Variants in AGMO observed in about 807,000 individuals in gnomAD.
AGMO encodes alkylglycerol monooxygenase.
AGMO carries 75 observed loss-of-function variants against 60.2 expected under a neutral mutation model. The ratio of observed to expected loss-of-function variants is 1.25; its 90% CI spans 1.03 to 1.51. AGMO has a LOEUF of 1.51. AGMO is among the 40% of genes most tolerant of loss of function. AGMO has a pLI of 0.00. For missense variants in AGMO, 763 were observed against 525.5 expected, an observed-to-expected ratio of 1.45 and a Z score of -4.42; for synonymous variants, 261 against 177.1, an observed-to-expected ratio of 1.47 and a Z score of -3.76.
intron 3 of AGMO, among the ~76,000 whole-genome samples, chr7:15,507,286 A>G (rs1783539149): frequency 6.6e-6 from 1 of 152,082 alleles, no homozygotes; most frequent in South Asian, 2.1e-4. Flanking sequence ...GATGGGTAGC[A>G]TGAATATCAA....
intron 5 of AGMO, among the ~76,000 whole-genome samples, chr7:15,397,399 C>A (rs1478042612): frequency 1.3e-5 from 2 of 151,998 alleles, no homozygotes; most frequent in Non-Finnish European, 2.9e-5. Context: ...CCACACCTCC[C>A]CGCAAGCAGA....
At chr7:15,519,563 A>G (rs984076045) in intron 3 of AGMO, among the ~76,000 whole-genome samples, 2 of 152,204 alleles carry the variant, frequency 1.3e-5, no homozygotes, top group African/African-American at 4.8e-5. Context: ...ACTAAGCTTC[A>G]TAAGTGAAGA....
At chr7:15,288,187 C>T (rs555832288) in intron 12 of AGMO, among the ~76,000 whole-genome samples, 7 of 152,072 alleles carry the variant, frequency 4.6e-5, no homozygotes, top group Admixed American at 4.6e-4. Flanking sequence ...CCACGCCCGG[C>T]TAATTTTTTT....
chr7:15,343,864 G>GT (rs1477513190), intron 12 of AGMO, among the ~76,000 whole-genome samples: 2 of 152,122 alleles, frequency 1.3e-5, no homozygotes, highest in Non-Finnish European at 2.9e-5. Flanking sequence ...CTTTCTTGTA[G>GT]TATGTCTTAA....
At chr7:15,328,917 GTCT>G (rs1781422418) in intron 12 of AGMO, among the ~76,000 whole-genome samples, 1 of 151,866 alleles carries the variant, frequency 6.6e-6, no homozygotes, top group Non-Finnish European at 1.5e-5. Context: ...TCCATACCAG[GTCT>G]TGGAAGCATC....
At chr7:15,435,674 T>C (rs1424295241) in intron 3 of AGMO, among the ~76,000 whole-genome samples, 1 of 152,168 alleles carries the variant, frequency 6.6e-6, no homozygotes, top group Non-Finnish European at 1.5e-5. Flanking sequence ...TTTTTTTAAA[T>C]AGTGTCATAC....
At chr7:15,196,196 C>T (rs1420901739), downstream of AGMO, among the ~76,000 whole-genome samples, 1 of 151,876 alleles carries the variant, frequency 6.6e-6, no homozygotes, top group Non-Finnish European at 1.5e-5. Flanking sequence ...GCACCACCAC[C>T]ACATCTGGAT....
intron 12 of AGMO, among the ~76,000 whole-genome samples, chr7:15,236,393 T>G (rs1381917680): frequency 1.3e-5 from 2 of 152,170 alleles, no homozygotes; most frequent in Non-Finnish European, 2.9e-5. Context: ...GGACATATAA[T>G]GATTATGTGT....
chr7:15,151,065 G>C, the AGMO span, among the ~76,000 whole-genome samples: 1 of 152,052 alleles, frequency 6.6e-6, no homozygotes, highest in Non-Finnish European at 1.5e-5. Flanking sequence ...ATATCTCTGG[G>C]AATGTATTTA....
chr7:15,337,394 T>C (rs991398684), intron 12 of AGMO, among the ~76,000 whole-genome samples: 4 of 151,982 alleles, frequency 2.6e-5, no homozygotes, highest in Admixed American at 6.6e-5. Context: ...GGACAGGCAA[T>C]GAGAGGAATG....
chr7:15,474,563 C>T (rs542807583), intron 3 of AGMO, among the ~76,000 whole-genome samples: 70 of 152,254 alleles, frequency 4.6e-4, no homozygotes, highest in African/African-American at 1.5e-3. Flanking sequence ...GGATTAAAGA[C>T]TTAAACGTAA....
the AGMO span, among the ~76,000 whole-genome samples, chr7:15,183,532 G>C: frequency 6.6e-6 from 1 of 152,124 alleles, no homozygotes; most frequent in Non-Finnish European, 1.5e-5. Flanking sequence ...TATTGTCCTT[G>C]GCTTTCAGTT....
At chr7:15,451,511 G>A (rs1034941839) in intron 3 of AGMO, among the ~76,000 whole-genome samples, 8 of 152,156 alleles carry the variant, frequency 5.3e-5, no homozygotes, top group African/African-American at 1.9e-4. Flanking sequence ...CAGGGTCTAG[G>A]TGGGGGCTTG....
intron 12 of AGMO, among the ~76,000 whole-genome samples, chr7:15,310,436 T>A (rs776089537): frequency 2.0e-5 from 3 of 152,168 alleles, no homozygotes; most frequent in Non-Finnish European, 4.4e-5. Flanking sequence ...TCTTTTAGCT[T>A]TAAATCAATC....
At chr7:15,479,708 G>T (rs1230028993) in intron 3 of AGMO, among the ~76,000 whole-genome samples, 2 of 152,134 alleles carry the variant, frequency 1.3e-5, no homozygotes, top group Non-Finnish European at 2.9e-5. Flanking sequence ...CAACCCTGAA[G>T]GCCTGCCTTG....
intron 3 of AGMO, among the ~76,000 whole-genome samples, chr7:15,441,605 G>T (rs920208500): frequency 1.3e-5 from 2 of 151,914 alleles, no homozygotes. Context: ...GAACTGTCTT[G>T]ATGTCAATAG....
intron 3 of AGMO, among the ~76,000 whole-genome samples, chr7:15,439,525 A>C (rs879289839): frequency 1.3e-5 from 2 of 152,186 alleles, no homozygotes; most frequent in African/African-American, 2.4e-5. Flanking sequence ...TGTTTAACAA[A>C]ACATATCAAA....
At chr7:15,261,625 G>C (rs1320737347) in intron 12 of AGMO, among the ~76,000 whole-genome samples, 3 of 151,948 alleles carry the variant, frequency 2.0e-5, no homozygotes, top group Non-Finnish European at 4.4e-5. Context: ...GATAAAGAAA[G>C]AGGGAATCCT....
At position 15,432,634 on chromosome 7, in the gene AGMO, A is replaced by G. The variant is rs143697336; in HGVS notation, c.410-1526T>C. ...ATTTTTCAATGGAACACGTATTGTC[A>G]TCAACCACAGCAGATATGTAACTTA... is the stretch of plus-strand genomic sequence containing the variant. On this transcript the variant is annotated intron_variant, in intron 3 of 12. Transcript: ENST00000342526. 5.0e-3 allele frequency among the ~76,000 whole-genome samples: 766 copies of G among 151,864 alleles called. 6 individuals are homozygous for G. Among genetic ancestry groups the G allele is most frequent in the African/African-American group, 0.018 (726 of 41,474 alleles).
Sources: allele counts gnomAD v4.1 joint callset (sites outside exome capture counted in the v4.1 genomes callset), GRCh38; gene constraint gnomAD v4.1.1; transcripts MANE v1.5; gene names NCBI Gene and HGNC (gene_info 2026-07-23, HGNC 2026-07-21).